The following GARRE1 variants were observed in gnomAD, a reference collection of about 807,000 sequenced individuals.
GARRE1 encodes granule associated Rac and RHOG effector protein 1.
Under a neutral mutation model 103.2 loss-of-function variants are expected in GARRE1, and 49 were observed. That is an observed-to-expected ratio of 0.47 (90% CI 0.38 to 0.60). The LOEUF is 0.60. Ranked by LOEUF, GARRE1 falls within the 20% of genes least tolerant of loss-of-function variation. The pLI is 0.00. For synonymous variants in GARRE1, 505 were observed against 532.8 expected (o/e 0.95, Z 0.72); for missense variants, 1,199 against 1,370.5 (o/e 0.87, Z 1.98).
chr19:34,327,389 C>T, intron 3 of GARRE1, 32 bp from the exon 4 acceptor site: 1 of 1,610,198 alleles, frequency 6.2e-7, no homozygotes, highest in Non-Finnish European at 8.5e-7. Flanking sequence ...GTACCACCCT[C>T]TTTTACCTAC....
At chr19:34,326,296 A>C (rs576831676) in intron 3 of GARRE1, among the ~76,000 whole-genome samples, 1 of 152,036 alleles carries the variant, frequency 6.6e-6, no homozygotes, top group Non-Finnish European at 1.5e-5. Context: ...AAATATTACA[A>C]CTCCTACACT....
intron 2 of GARRE1, among the ~76,000 whole-genome samples, chr19:34,314,209 T>G (rs1266394712): frequency 6.6e-6 from 1 of 152,186 alleles, no homozygotes; most frequent in East Asian, 1.9e-4. Context: ...TAATTATTAT[T>G]ATTAGGTATG....
Position 34,333,677 on chromosome 19 carries a change from G to GTTTTTTTTTTTTTTT in GARRE1, c.1264-24_1264-10dup, listed in dbSNP as rs74177138. ...TCTCTCTGAAAGCTGGTTGTTATTT[G>GTTTTTTTTTTTTTTT]TTTTTTTTTTTTTTTTTCGATCTTA... On this transcript the variant is annotated intron_variant, in intron 7 of 13. Transcript: ENST00000299505. 104 of 674,498 alleles carry GTTTTTTTTTTTTTTT rather than the reference G, an allele frequency of 1.5e-4. 1 individual carries two copies. The highest frequency in any genetic ancestry group is 3.2e-4 in the South Asian group (17 of 53,364). 41.8% of individuals were successfully genotyped at this position (674,498 alleles called of 1,614,324 possible). A position where few individuals can be genotyped will look rare whatever the true frequency, so the allele number is the denominator to read the frequency against.
At chr19:34,314,181 T>A (rs1188605184) in intron 2 of GARRE1, among the ~76,000 whole-genome samples, 3 of 152,158 alleles carry the variant, frequency 2.0e-5, no homozygotes, top group Non-Finnish European at 4.4e-5. Flanking sequence ...TTTCATTTTT[T>A]CCCTGGATGA....
intron 10 of GARRE1, among the ~76,000 whole-genome samples, chr19:34,346,817 C>T (rs1466025708): frequency 6.6e-6 from 1 of 152,118 alleles, no homozygotes; most frequent in Non-Finnish European, 1.5e-5. Flanking sequence ...GGGGTTTCAC[C>T]ATGTTGGCCT....
Position 34,353,077 on chromosome 19 carries a change from CAGGGAGGG to C in GARRE1, c.*123_*130del. 1.1e-6 allele frequency: 1 copy of C among 930,970 alleles called. No homozygotes were observed. The highest frequency in any genetic ancestry group is 1.6e-6 in the Non-Finnish European group (1 of 638,048). The allele number at this position is 930,970 out of a possible 1,614,324, so 57.7% of individuals were successfully genotyped here. A position where few individuals can be genotyped will look rare whatever the true frequency, so the allele number is the denominator to read the frequency against. On this transcript the variant is annotated 3_prime_UTR_variant, in exon 14 of 14. Transcript: ENST00000299505. ...CTCAGAGGACCAGTGCGCCCCATCC[CAGGGAGGG>C]TTCCTTGGGGACAAGGGTGGTTGGC...
intron 4 of GARRE1, 39 bp downstream of exon 4, chr19:34,327,600 T>A (rs766322658): frequency 6.2e-7 from 1 of 1,606,904 alleles, no homozygotes; most frequent in African/African-American, 1.3e-5. Flanking sequence ...TTCCACGGGA[T>A]AGAAACAAGG....
Position 34,352,969 on chromosome 19 carries a change from AGCCT to A in GARRE1, c.*34_*37del, listed in dbSNP as rs72121022. ...CCCCAGTACTGACCCCAGGCCAGCC[AGCCT>A]GCCTGCCTGCCTGCCTGCCCGCCCA... On this transcript the variant is annotated 3_prime_UTR_variant, in exon 14 of 14. Coordinates refer to ENST00000299505, the MANE Select transcript of GARRE1 (RefSeq NM_014686.5). The A allele has an allele frequency of 1.2e-4, 181 of 1,487,220 alleles. No individual in the cohort carries two copies. The highest frequency in any genetic ancestry group is 4.8e-4 in the Middle Eastern group (2 of 4,150). The allele number at this position is 1,487,220 out of a possible 1,614,324, so 92.1% of individuals were successfully genotyped here.
At chr19:34,271,518 G>C (rs375896879) in intron 1 of GARRE1, among the ~76,000 whole-genome samples, 11 of 152,028 alleles carry the variant, frequency 7.2e-5, no homozygotes, top group African/African-American at 2.7e-4. Context: ...AGAGTGCTGG[G>C]ATTACAGGTG....
chr19:34,315,180 C>T (rs2074054379), intron 2 of GARRE1, among the ~76,000 whole-genome samples: 1 of 152,246 alleles, frequency 6.6e-6, no homozygotes, highest in South Asian at 2.1e-4. Flanking sequence ...AACTTGAGTT[C>T]ATGAAGTTGA....
intron 1 of GARRE1, among the ~76,000 whole-genome samples, chr19:34,281,752 CTG>C (rs34083484): frequency 0.12 from 17,804 of 152,236 alleles, 1,368 homozygotes; most frequent in African/African-American, 0.21. Context: ...TAATTCTTCT[CTG>C]TGTGGCTGTG....
chr19:34,302,149 C>T (rs1158340367), intron 2 of GARRE1, among the ~76,000 whole-genome samples: 1 of 151,236 alleles, frequency 6.6e-6, no homozygotes, highest in Non-Finnish European at 1.5e-5. Context: ...CGCCACCATG[C>T]CCGGCTAATT....
At chr19:34,303,519 C>G (rs939377838) in intron 2 of GARRE1, among the ~76,000 whole-genome samples, 2 of 152,238 alleles carry the variant, frequency 1.3e-5, no homozygotes, top group African/African-American at 4.8e-5. Flanking sequence ...GACACAGCAT[C>G]ATTGGTATAA....
rs1205579210 is a variant in GARRE1, at chr19:34,300,136, A to G, written c.-338A>G. On this transcript the variant is annotated 5_prime_UTR_variant, in exon 2 of 14. Coordinates refer to ENST00000299505, the MANE Select transcript of GARRE1 (RefSeq NM_014686.5). ...CGTTAAGTTATTTTTCTGCCATTGT[A>G]AATACAAGTATCAAAATATTCTTGC... 1 of 238,910 alleles carries G rather than the reference A, an allele frequency of 4.2e-6. No homozygotes were observed. The highest frequency in any genetic ancestry group is 8.0e-6 in the Non-Finnish European group (1 of 124,442). 14.8% of individuals were successfully genotyped at this position (238,910 alleles called of 1,614,324 possible).
chr19:34,294,586 A>G (rs542534004), intron 1 of GARRE1, among the ~76,000 whole-genome samples: 5 of 152,036 alleles, frequency 3.3e-5, no homozygotes, highest in Non-Finnish European at 2.9e-5. Context: ...TTGTCTGTTA[A>G]GTCCAATATC....
intron 1 of GARRE1, among the ~76,000 whole-genome samples, chr19:34,291,120 C>T (rs2073915545): frequency 6.6e-6 from 1 of 151,906 alleles, no homozygotes; most frequent in Non-Finnish European, 1.5e-5. Context: ...GTTGGCCAGG[C>T]TGGTCTCAAA....
In GARRE1 at chr19:34,256,953, TAAC is replaced by T. The variant is rs1490178716; in HGVS notation, c.-796+2342_-796+2344del. ...TTCATTTGCTTTCTTGCTGACAAGATAACAAACTCCATATGAAGAGTTCAGGTT... is the reference window on the plus strand; with the variant it reads ...TTCATTTGCTTTCTTGCTGACAAGATAAACTCCATATGAAGAGTTCAGGTT... On this transcript the variant is annotated intron_variant, in intron 1 of 13. Coordinates refer to ENST00000299505, the MANE Select transcript of GARRE1 (RefSeq NM_014686.5). 3.3e-5 allele frequency among the ~76,000 whole-genome samples: 5 copies of T among 152,222 alleles called. No homozygotes were observed. In the South Asian group the frequency reaches 8.3e-4, roughly 25 times the overall value.
At chr19:34,288,785 G>A (rs1299408032) in intron 1 of GARRE1, among the ~76,000 whole-genome samples, 3 of 152,226 alleles carry the variant, frequency 2.0e-5, no homozygotes, top group Non-Finnish European at 2.9e-5. Flanking sequence ...TTCTAGTAGT[G>A]TCCCTGTAAG....
intron 3 of GARRE1, among the ~76,000 whole-genome samples, chr19:34,321,584 G>A (rs1428836592): frequency 6.6e-6 from 1 of 151,930 alleles, no homozygotes; most frequent in Non-Finnish European, 1.5e-5. Context: ...CTCCCAAGTA[G>A]CTGGGATTAC....
Sources: gnomAD v4.1 joint callset for allele counts (sites outside exome capture counted in the v4.1 genomes callset) on GRCh38, gnomAD v4.1.1 for gene constraint, MANE v1.5 for transcripts, NCBI Gene and HGNC (gene_info 2026-07-23, HGNC 2026-07-21) for gene names.